Variants in GPHA2 observed in about 807,000 individuals in gnomAD.
GPHA2 encodes the protein glycoprotein hormone subunit alpha 2.
In GPHA2, 12 loss-of-function variants were observed where a neutral mutation model predicts 15.3. That is an observed-to-expected ratio of 0.78 (90% CI 0.50 to 1.27). GPHA2 has a LOEUF of 1.27. Among genes scored for constraint, GPHA2 ranks in the 50% most tolerant of loss-of-function variants. The pLI is 0.00. For synonymous variants in GPHA2, 61 were observed against 66.8 expected (o/e 0.91, Z 0.42); for missense variants, 156 against 169.5 (o/e 0.92, Z 0.44).
rs758218939 is a variant in GPHA2, at chr11:64,934,965, A to C, written c.288+26T>G. On this transcript the variant is annotated intron_variant, in intron 3 of 3. Coordinates refer to ENST00000279168, the MANE Select transcript of GPHA2 (RefSeq NM_130769.4). ...TGGTCTTCCCGCGACCCCAGCGTCC[A>C]TCCACCGGGCCCGGGCCCTCCTCAC... 19 of 1,613,672 alleles carry C rather than the reference A, an allele frequency of 1.2e-5. No homozygotes were observed. In the East Asian group the frequency reaches 4.0e-4, roughly 34 times the overall value.
At chr11:64,935,907 C>T (rs1945289253), upstream of GPHA2, 1 of 154,524 alleles carries the variant, frequency 6.5e-6, no homozygotes, top group Non-Finnish European at 1.4e-5. Flanking sequence ...TTGGTGCTGG[C>T]TCTCCAGGCT....
upstream of GPHA2, among the ~76,000 whole-genome samples, chr11:64,937,246 C>T (rs374023940): frequency 4.6e-5 from 7 of 152,298 alleles, no homozygotes; most frequent in East Asian, 1.4e-3. Flanking sequence ...ATCCTACCCC[C>T]TCATTTTCTG....
At chr11:64,936,509 G>A (rs1169107339), upstream of GPHA2, among the ~76,000 whole-genome samples, 1 of 152,038 alleles carries the variant, frequency 6.6e-6, no homozygotes, top group East Asian at 1.9e-4. Context: ...GTCTTGAACT[G>A]CTAAGCTCAA....
chr11:64,934,513 G>A lies in GPHA2; in HGVS notation c.*260C>T, dbSNP rs2136694225. 1.7e-6 allele frequency: 1 copy of A among 573,292 alleles called. No individual in the cohort carries two copies. The highest frequency in any genetic ancestry group is 3.1e-6 in the Non-Finnish European group (1 of 320,956). The allele number at this position is 573,292 out of a possible 1,614,324, so 35.5% of individuals were successfully genotyped here. A position where few individuals can be genotyped will look rare whatever the true frequency, so the allele number is the denominator to read the frequency against. On this transcript the variant is annotated 3_prime_UTR_variant, in exon 4 of 4. Coordinates refer to ENST00000279168, the MANE Select transcript of GPHA2 (RefSeq NM_130769.4). The stretch of plus-strand genomic sequence containing the variant: ...TTATTTAGGGGTAAGGGCAAAGAGG[G>A]AAGTAAAATGATGAAAGATTGGTTT...
At position 64,934,864 on chromosome 11, in the gene GPHA2, T is replaced by C; in HGVS notation, c.299A>G (p.Gln100Arg). 6.2e-7 allele frequency: 1 copy of C among 1,614,030 alleles called. No homozygotes were observed. The highest frequency in any genetic ancestry group is 8.5e-7 in the Non-Finnish European group (1 of 1,179,948). The change falls in exon 4 of 4, where the codon CAG (glutamine) becomes CGG (arginine). Residue 100 changes from glutamine to arginine, a missense_variant. Physicochemically the swap from Gln to Arg is conservative, Grantham distance 43. Transcript: ENST00000279168. Reference sequence around the variant, plus strand: ...CCTCCGGCTCCCCACACACTGCAGCTGTACTTTGACCTGCGGGAGAGGGGA... The same window carrying C: ...CCTCCGGCTCCCCACACACTGCAGCCGTACTTTGACCTGCGGGAGAGGGGA... ...TISGLKKVKV[Q>R]LQCVGSRREE...
Position 64,935,068 on chromosome 11 carries a change from A to C in GPHA2, c.211T>G (p.Ser71Ala). 2 of 1,614,142 alleles carry C rather than the reference A, an allele frequency of 1.2e-6. No individual in the cohort carries two copies. The highest frequency in any genetic ancestry group is 1.6e-4 in the Middle Eastern group (1 of 6,062). ...CGGTAACCACTGGCCACCAGCACAG[A>C]GTACCGAGAAGGGAAGGCGCTGGAC... ...CESSAFPSRY[S>A]VLVASGYRHN... The change falls in exon 3 of 4, where the codon TCT (serine) becomes GCT (alanine). Residue 71 changes from serine (S) to alanine (A), a missense_variant. Physicochemically the swap from Ser to Ala is moderately conservative, Grantham distance 99 (BLOSUM62 1). Transcript: ENST00000279168.
chr11:64,935,466 A>G lies in GPHA2; in HGVS notation c.1-6T>C. 1 of 1,581,708 alleles carries G rather than the reference A, an allele frequency of 6.3e-7. No homozygotes were observed. Among genetic ancestry groups the G allele is most frequent in the Non-Finnish European group, 8.6e-7 (1 of 1,162,644 alleles). On this transcript the variant is annotated splice_polypyrimidine_tract_variant and splice_region_variant and intron_variant, in intron 1 of 3. Transcript: ENST00000279168. ...TGAGGGGACGCCATAGGCATCTGAA[A>G]CACAGTGGGGAGATGTCTCTACGTG...
Position 64,935,361 on chromosome 11 carries a change from G to GC in GPHA2, c.99dup (p.His34AlafsTer10). The GC allele has an allele frequency of 6.3e-7, 1 of 1,591,804 alleles. No individual in the cohort carries two copies. Among genetic ancestry groups the GC allele is most frequent in the African/African-American group, 1.3e-5 (1 of 74,140 alleles). On this transcript the variant is annotated frameshift_variant, in exon 2 of 4. Transcript: ENST00000279168. LOFTEE classifies it high-confidence loss of function. ...CTCCGGTCCCAGAGGTACTCACGGT[G>GC]CAAGTGGCAGCCTGGGATGACTGCC...
At position 64,934,528 on chromosome 11, in the gene GPHA2, A is replaced by T; in HGVS notation, c.*245T>A. On this transcript the variant is annotated 3_prime_UTR_variant, in exon 4 of 4. Coordinates refer to ENST00000279168, the MANE Select transcript of GPHA2 (RefSeq NM_130769.4). ...GGCAAAGAGGGAAGTAAAATGATGA[A>T]AGATTGGTTTAGAAGGGCCAGGCAG... 1.7e-6 allele frequency: 1 copy of T among 583,684 alleles called. No homozygotes were observed. Among genetic ancestry groups the T allele is most frequent in the Non-Finnish European group, 3.1e-6 (1 of 327,184 alleles). 36.2% of individuals were successfully genotyped at this position (583,684 alleles called of 1,614,324 possible). A position where few individuals can be genotyped will look rare whatever the true frequency, so the allele number is the denominator to read the frequency against.
At position 64,934,628 on chromosome 11, in the gene GPHA2, C is replaced by T. The variant is rs905587181; in HGVS notation, c.*145G>A. ...ATCTTACAAAGGATCAAAGCTGGAA[C>T]AACCCTCCCCTTATTTAAAAAAATT... On this transcript the variant is annotated 3_prime_UTR_variant, in exon 4 of 4. Coordinates refer to ENST00000279168, the MANE Select transcript of GPHA2 (RefSeq NM_130769.4). 6.0e-6 allele frequency: 4 copies of T among 672,242 alleles called. No individual in the cohort carries two copies. In the Admixed American group the frequency reaches 7.3e-5, roughly 12 times the overall value. 41.6% of individuals were successfully genotyped at this position (672,242 alleles called of 1,614,324 possible). A position where few individuals can be genotyped will look rare whatever the true frequency, so the allele number is the denominator to read the frequency against.
At chr11:64,935,286 C>A in intron 2 of GPHA2, 72 bp downstream of exon 2, 1 of 1,394,680 alleles carries the variant, frequency 7.2e-7, no homozygotes, top group Non-Finnish European at 9.7e-7. Context: ...GCCTGCCCCA[C>A]CGTCCACTCA....
At chr11:64,937,348 T>G (rs1048791477), upstream of GPHA2, among the ~76,000 whole-genome samples, 2 of 152,220 alleles carry the variant, frequency 1.3e-5, no homozygotes, top group African/African-American at 4.8e-5. Context: ...GCTCCAGATT[T>G]GGAGCTGTGC....
At position 64,934,543 on chromosome 11, in the gene GPHA2, G is replaced by C. The variant is rs1461032041; in HGVS notation, c.*230C>G. ...AAAATGATGAAAGATTGGTTTAGAA[G>C]GGCCAGGCAGAGGCAGGGAAGAAGC... On this transcript the variant is annotated 3_prime_UTR_variant, in exon 4 of 4. Transcript: ENST00000279168. 2.9e-5 allele frequency: 17 copies of C among 594,176 alleles called. No homozygotes were observed. Among genetic ancestry groups the C allele is most frequent in the Non-Finnish European group, 4.8e-5 (16 of 333,686 alleles). The allele number at this position is 594,176 out of a possible 1,614,324, so 36.8% of individuals were successfully genotyped here.
At chr11:64,936,951 A>T (rs558460743), upstream of GPHA2, among the ~76,000 whole-genome samples, 7 of 152,340 alleles carry the variant, frequency 4.6e-5, no homozygotes, top group Admixed American at 3.3e-4. Context: ...TCAAAGAAAG[A>T]AAGTTACTAA....
upstream of GPHA2, among the ~76,000 whole-genome samples, chr11:64,937,276 A>G (rs1346705003): frequency 3.9e-5 from 6 of 152,226 alleles, no homozygotes; most frequent in African/African-American, 1.4e-4. Context: ...ATAAGAGCTC[A>G]GCGGAAAACA....
At chr11:64,937,121 G>A (rs1214016858), upstream of GPHA2, among the ~76,000 whole-genome samples, 1 of 152,192 alleles carries the variant, frequency 6.6e-6, no homozygotes, top group East Asian at 1.9e-4. Flanking sequence ...GCCAAAGGAA[G>A]CCTGTGGTGA....
chr11:64,935,629 GTGTA>G (rs1186502047), intron 1 of GPHA2, 169 bp from the exon 2 acceptor site: 3 of 552,478 alleles, frequency 5.4e-6, no homozygotes, highest in Non-Finnish European at 9.7e-6. Flanking sequence ...GTGTGTGTGT[GTGTA>G]TGGGTGTGAG....
chr11:64,935,080 G>A lies in GPHA2; in HGVS notation c.199C>T (p.Pro67Ser). 6.2e-7 allele frequency: 1 copy of A among 1,614,158 alleles called. No individual in the cohort carries two copies. ...CVGHCESSAF[P>S]SRYSVLVASG... Reference sequence around the variant, plus strand: ...GCCACCAGCACAGAGTACCGAGAAGGGAAGGCGCTGGACTCACAGTGGCCC... The same window carrying A: ...GCCACCAGCACAGAGTACCGAGAAGAGAAGGCGCTGGACTCACAGTGGCCC... Residue 67 changes from proline to serine, a missense_variant, in exon 3 of 4, where the codon CCT (proline) becomes TCT (serine). Coordinates refer to ENST00000279168, the MANE Select transcript of GPHA2 (RefSeq NM_130769.4).
chr11:64,936,197 T>C (rs1945292507), upstream of GPHA2, among the ~76,000 whole-genome samples: 1 of 152,202 alleles, frequency 6.6e-6, no homozygotes, highest in Admixed American at 6.5e-5. Context: ...GGCTGAGTTG[T>C]GGACACCTGG....
Sources: allele counts gnomAD v4.1 joint callset (sites outside exome capture counted in the v4.1 genomes callset), GRCh38; gene constraint gnomAD v4.1.1; transcripts MANE v1.5; gene names NCBI Gene and HGNC (gene_info 2026-07-23, HGNC 2026-07-21).